APLF: variants seen among roughly 807,000 people sequenced by gnomAD.
APLF encodes aprataxin and PNK-like factor.
APLF carries 61 observed loss-of-function variants against 55.6 expected under a neutral mutation model. The ratio of observed to expected loss-of-function variants is 1.10; its 90% CI spans 0.89 to 1.36. The LOEUF (loss-of-function observed/expected upper bound fraction) is 1.36, where lower values mean the gene tolerates loss of function less well. APLF is among the 40% of genes most tolerant of loss of function. The probability of loss-of-function intolerance (pLI) is 0.00; values close to 1 mark genes in which losing one functional copy is unlikely to be tolerated. For synonymous variants in APLF, 207 were observed against 214.8 expected (o/e 0.96, Z 0.32); for missense variants, 611 against 602.5 (o/e 1.01, Z -0.15).
At position 68,475,276 on chromosome 2, in the gene APLF, G is replaced by A. The variant is rs143709430; in HGVS notation, c.96+7449G>A. On this transcript the variant is annotated intron_variant, in intron 1 of 9. Transcript: ENST00000303795. ...TTGTGCAGCATTCACTATGTAAGCA[G>A]CATTGCAAGCCAAACAGGTTGGATG... 6.6e-3 allele frequency among the ~76,000 whole-genome samples: 1,006 copies of A among 152,284 alleles called. 3 individuals carry two copies. Among genetic ancestry groups the A allele is most frequent in the South Asian group, 0.01 (49 of 4,828 alleles).
intron 2 of APLF, among the ~76,000 whole-genome samples, chr2:68,494,419 G>A (rs1558531210): frequency 2.0e-5 from 3 of 152,058 alleles, no homozygotes; most frequent in African/African-American, 4.8e-5. Flanking sequence ...GAAGGCAAAG[G>A]GGAAATAGGC....
chr2:68,503,294 T>G (rs1038546096), intron 3 of APLF, among the ~76,000 whole-genome samples: 102 of 152,268 alleles, frequency 6.7e-4, no homozygotes, highest in African/African-American at 2.4e-3. Context: ...GACTTACACT[T>G]GTCTAACTCC....
intron 3 of APLF, among the ~76,000 whole-genome samples, chr2:68,506,669 C>T (rs1676879579): frequency 6.6e-6 from 1 of 151,920 alleles, no homozygotes; most frequent in East Asian, 1.9e-4. Context: ...GAGGTGGGAT[C>T]CAAACTCAAG....
chr2:68,578,719 CA>C lies in APLF; in HGVS notation c.*700del, dbSNP rs1249301096. The C allele has an allele frequency of 1.0e-6, 1 of 984,534 alleles. No homozygotes were observed. The highest frequency in any genetic ancestry group is 1.8e-5 in the African/African-American group (1 of 57,106). The allele number at this position is 984,534 out of a possible 1,614,324, so 61.0% of individuals were successfully genotyped here. Reference sequence around the variant, plus strand: ...ACTCAAAAAACTTGACCTTTTTTTTCAAACTAAAGTCCTAGCTGATTATTTT... The same window carrying C: ...ACTCAAAAAACTTGACCTTTTTTTTCAACTAAAGTCCTAGCTGATTATTTT... On this transcript the variant is annotated 3_prime_UTR_variant, in exon 10 of 10. Coordinates refer to ENST00000303795, the MANE Select transcript of APLF (RefSeq NM_173545.3).
At chr2:68,501,165 C>G (rs575225500) in intron 2 of APLF, among the ~76,000 whole-genome samples, 194 of 151,946 alleles carry the variant, frequency 1.3e-3, no homozygotes, top group African/African-American at 4.4e-3. Context: ...TTTATTTTAC[C>G]GCTTTCTTGT....
At chr2:68,482,097 T>G (rs1373992652) in intron 1 of APLF, among the ~76,000 whole-genome samples, 4 of 152,048 alleles carry the variant, frequency 2.6e-5, no homozygotes, top group Admixed American at 6.5e-5. Flanking sequence ...TAAATTTCTT[T>G]TTTTTTTTGT....
At chr2:68,494,584 G>C (rs1676480948) in intron 2 of APLF, among the ~76,000 whole-genome samples, 1 of 152,154 alleles carries the variant, frequency 6.6e-6, no homozygotes, top group East Asian at 1.9e-4. Context: ...TTACTGCACA[G>C]ATTATTCCAT....
At chr2:68,503,536 G>C (rs570366245) in intron 3 of APLF, among the ~76,000 whole-genome samples, 14 of 152,174 alleles carry the variant, frequency 9.2e-5, no homozygotes, top group African/African-American at 2.9e-4. Flanking sequence ...ATAGTATTAA[G>C]TCAGAAATCA....
chr2:68,475,531 C>T (rs1433524857), intron 1 of APLF, among the ~76,000 whole-genome samples: 1 of 152,154 alleles, frequency 6.6e-6, no homozygotes, highest in Non-Finnish European at 1.5e-5. Context: ...AAGAACATTT[C>T]ACATCAAATA....
chr2:68,501,134 C>T (rs1005986829), intron 2 of APLF, among the ~76,000 whole-genome samples: 1 of 152,090 alleles, frequency 6.6e-6, no homozygotes, highest in African/African-American at 2.4e-5. Flanking sequence ...AAATTTCTAC[C>T]TCTGCTCTTT....
chr2:68,494,288 A>C (rs1350229593), intron 2 of APLF, among the ~76,000 whole-genome samples: 1 of 146,884 alleles, frequency 6.8e-6, no homozygotes, highest in African/African-American at 2.6e-5. Context: ...AAAAAAAAAA[A>C]AAAAAAAAAA....
At chr2:68,490,891 TATTTTAGACTAG>T (rs1660777134) in intron 2 of APLF, among the ~76,000 whole-genome samples, 1 of 152,224 alleles carries the variant, frequency 6.6e-6, no homozygotes, top group Admixed American at 6.5e-5. Flanking sequence ...AGGGTCCATT[TATTTTAGACTAG>T]ATCGTATGGT....
chr2:68,491,804 A>G (rs1004334056), intron 2 of APLF, among the ~76,000 whole-genome samples: 1 of 152,172 alleles, frequency 6.6e-6, no homozygotes, highest in Non-Finnish European at 1.5e-5. Context: ...CTGAGTCTCC[A>G]GTGTCTGCTC....
At chr2:68,505,618 C>T (rs142806138) in intron 3 of APLF, among the ~76,000 whole-genome samples, 347 of 152,032 alleles carry the variant, frequency 2.3e-3, no homozygotes, top group Middle Eastern at 0.01. Flanking sequence ...TACTAGATTA[C>T]GGATTTATTA....
At position 68,529,290 on chromosome 2, in the gene APLF, G is replaced by A. The variant is rs1371506879; in HGVS notation, c.804+3048G>A. ...AAAGAAGGCCCAAGATGTCGCTGAC[G>A]GTTGAAGAGGAGTGGGAAACAGCCA... On this transcript the variant is annotated intron_variant, in intron 6 of 9. Transcript: ENST00000303795. The surrounding 1 kb of genome is among the most constrained non-coding windows in gnomAD (Gnocchi z 4.4). 7 of 1,355,488 alleles carry A rather than the reference G, an allele frequency of 5.2e-6. No homozygotes were observed. Among genetic ancestry groups the A allele is most frequent in the East Asian group, 2.6e-5 (1 of 38,166 alleles). 84.0% of individuals were successfully genotyped at this position (1,355,488 alleles called of 1,614,324 possible). A position where few individuals can be genotyped will look rare whatever the true frequency, so the allele number is the denominator to read the frequency against.
At chr2:68,525,242 G>A (rs1232591031) in intron 5 of APLF, among the ~76,000 whole-genome samples, 1 of 151,968 alleles carries the variant, frequency 6.6e-6, no homozygotes, top group Non-Finnish European at 1.5e-5. Context: ...GTTGCAGTGA[G>A]CAGAGATTGT....
intron 2 of APLF, among the ~76,000 whole-genome samples, chr2:68,498,984 T>C (rs1676639390): frequency 6.6e-6 from 1 of 152,010 alleles, no homozygotes; most frequent in African/African-American, 2.4e-5. Context: ...GAAAATCCTA[T>C]AATAATAGCC....
chr2:68,486,230 A>T (rs960248175), intron 1 of APLF, among the ~76,000 whole-genome samples: 1 of 152,026 alleles, frequency 6.6e-6, no homozygotes, highest in African/African-American at 2.4e-5. Flanking sequence ...GGAATGTGAC[A>T]TTTCTCAAAA....
At chr2:68,484,236 C>A (rs954463727) in intron 1 of APLF, among the ~76,000 whole-genome samples, 1 of 152,024 alleles carries the variant, frequency 6.6e-6, no homozygotes, top group East Asian at 1.9e-4. Flanking sequence ...ATCTTCATAT[C>A]TTAAAACTAG....
Sources: allele counts gnomAD v4.1 joint callset (sites outside exome capture counted in the v4.1 genomes callset), GRCh38; gene constraint gnomAD v4.1.1; non-coding constraint Gnocchi (gnomAD v3.1); transcripts MANE v1.5; gene names NCBI Gene and HGNC (gene_info 2026-07-23, HGNC 2026-07-21).